VIT: variants seen among roughly 807,000 people sequenced by gnomAD.
VIT encodes vitrin.
VIT carries 99 observed loss-of-function variants against 78.0 expected under a neutral mutation model. That is an observed-to-expected ratio of 1.27 (90% CI 1.08 to 1.50). VIT has a LOEUF of 1.50. Among genes scored for constraint, VIT ranks in the 40% most tolerant of loss-of-function variants. The pLI is 0.00. For synonymous variants in VIT, 374 were observed against 334.3 expected (o/e 1.12, Z -1.29); for missense variants, 1,126 against 875.3 (o/e 1.29, Z -3.61).
intron 3 of VIT, among the ~76,000 whole-genome samples, chr2:36,734,404 C>A (rs1186529353): frequency 6.6e-6 from 1 of 151,792 alleles, no homozygotes; most frequent in African/African-American, 2.4e-5. Context: ...ATTTCCTGAC[C>A]CCTCCTAGGC....
At chr2:36,809,138 AAAC>A (rs1375316480) in intron 15 of VIT, among the ~76,000 whole-genome samples, 153 bp downstream of exon 15, 1 of 152,188 alleles carries the variant, frequency 6.6e-6, no homozygotes, top group Non-Finnish European at 1.5e-5. Flanking sequence ...TTAGGGGTAG[AAAC>A]ACTGCAAGCC....
chr2:36,797,619 G>A (rs1021005809), intron 12 of VIT, among the ~76,000 whole-genome samples: 2 of 152,172 alleles, frequency 1.3e-5, no homozygotes, highest in Admixed American at 6.5e-5. Context: ...AGAGGAAGCT[G>A]TATGGAAGCC....
chr2:36,716,216 TATG>T, intron 1 of VIT, 134 bp from the exon 2 acceptor site: 1 of 605,124 alleles, frequency 1.7e-6, no homozygotes, highest in Non-Finnish European at 2.9e-6. Context: ...ATGTGCTGCT[TATG>T]GAAATCTATA....
In VIT at chr2:36,773,847, G is replaced by C. The variant is rs1470279367; in HGVS notation, c.736G>C (p.Gly246Arg). Residue 246 changes from glycine (G) to arginine (R), a missense_variant and splice_region_variant, in exon 8 of 16, where the codon GGT (glycine) becomes CGT (arginine). Coordinates refer to ENST00000379242, the MANE Select transcript of VIT (RefSeq NM_053276.4). ...SSQNRPRADP[G>R]IQRQDPSGAA... ...CCAAAACAGGCCCAGAGCTGATCCA[G>C]GTAAGACCTTAAACTCCCTTTCCAG... 5 of 1,594,210 alleles carry C rather than the reference G, an allele frequency of 3.1e-6. No individual in the cohort carries two copies. In the African/African-American group the frequency reaches 5.4e-5, roughly 17 times the overall value.
intron 12 of VIT, among the ~76,000 whole-genome samples, chr2:36,800,162 T>C (rs1351472831): frequency 6.6e-5 from 10 of 151,844 alleles, no homozygotes; most frequent in African/African-American, 2.4e-4. Context: ...CTGGCTAAGA[T>C]GGTGAAACCC....
chr2:36,759,732 C>T, intron 6 of VIT: 1 of 916,940 alleles, frequency 1.1e-6, no homozygotes, highest in Non-Finnish European at 1.3e-6. Context: ...ACATTATGAG[C>T]CTGATAGTTC....
At chr2:36,721,543 C>A (rs1441894660) in intron 2 of VIT, among the ~76,000 whole-genome samples, 2 of 152,180 alleles carry the variant, frequency 1.3e-5, no homozygotes, top group Non-Finnish European at 2.9e-5. Flanking sequence ...CACATCTGAC[C>A]TCCACTCTTG....
At chr2:36,728,893 T>C (rs1558520231) in intron 2 of VIT, among the ~76,000 whole-genome samples, 1 of 151,090 alleles carries the variant, frequency 6.6e-6, no homozygotes, top group African/African-American at 2.4e-5. Context: ...TTATAAAATC[T>C]ACGGCTTTGT....
rs187473165 is a variant in VIT, at chr2:36,733,172, G to A, written c.118+3681G>A. ...AGGCCAATCTGCTTAAGCAAAAAGG[G>A]GGATTTGGGCAGGACGTGGGGTAGC... is the stretch of plus-strand genomic sequence containing the variant. On this transcript the variant is annotated intron_variant, in intron 3 of 15. Coordinates refer to ENST00000379242, the MANE Select transcript of VIT (RefSeq NM_053276.4). Among the ~76,000 whole-genome samples the A allele has an allele frequency of 7.9e-4, 120 of 152,288 alleles. 2 individuals carry two copies. Among genetic ancestry groups the A allele is most frequent in the Non-Finnish European group, 6.9e-4 (47 of 68,020 alleles).
At position 36,775,197 on chromosome 2, in the gene VIT, A is replaced by G. The variant is rs1669979703; in HGVS notation, c.802+130A>G. 7.0e-6 allele frequency: 7 copies of G among 999,204 alleles called. No homozygotes were observed. The South Asian group carries it at 1.1e-4, about 16-fold the overall frequency. The allele number at this position is 999,204 out of a possible 1,614,324, so 61.9% of individuals were successfully genotyped here. A position where few individuals can be genotyped will look rare whatever the true frequency, so the allele number is the denominator to read the frequency against. ...CAACTTCAGGTCACCAGAGTTTGGG[A>G]GCATGCTAAGATATTTTAACCTCGA... On this transcript the variant is annotated intron_variant, in intron 9 of 15. Transcript: ENST00000379242.
At chr2:36,725,604 G>A (rs968109180) in intron 2 of VIT, among the ~76,000 whole-genome samples, 2 of 88,856 alleles carry the variant, frequency 2.3e-5, no homozygotes, top group African/African-American at 5.1e-5. Flanking sequence ...TTGAGGGGTG[G>A]GGGGGGGGTG....
At chr2:36,786,003 G>A (rs1375223281) in intron 11 of VIT, among the ~76,000 whole-genome samples, 2 of 152,138 alleles carry the variant, frequency 1.3e-5, no homozygotes, top group African/African-American at 4.8e-5. Context: ...TGAAGAATGG[G>A]AAGACTCCAG....
intron 1 of VIT, among the ~76,000 whole-genome samples, chr2:36,702,170 G>A (rs1164461675): frequency 6.6e-6 from 1 of 152,148 alleles, no homozygotes; most frequent in Non-Finnish European, 1.5e-5. Context: ...CCAGGCAGAG[G>A]GAAAAGCAAA....
intron 9 of VIT, among the ~76,000 whole-genome samples, chr2:36,779,269 C>T (rs999823584): frequency 3.8e-4 from 58 of 152,126 alleles, no homozygotes; most frequent in African/African-American, 1.3e-3. Context: ...TCTGTTCTGC[C>T]ACTCCCTGTG....
Position 36,787,199 on chromosome 2 carries a change from G to A in VIT, c.981G>A (p.Gln327=). 2 of 1,614,246 alleles carry A rather than the reference G, an allele frequency of 1.2e-6. No homozygotes were observed. Among genetic ancestry groups the A allele is most frequent in the Non-Finnish European group, 1.7e-6 (2 of 1,180,044 alleles). Residue 327 remains glutamine (Q), a synonymous_variant, in exon 12 of 16, where the codon CAG becomes CAA. Coordinates refer to ENST00000379242, the MANE Select transcript of VIT (RefSeq NM_053276.4). ...TTGGCAAACGGCGATTCCGAATCCAGAAGCAGCTCCTGGCTGATGTTGCCC... is the reference window on the plus strand; with the variant it reads ...TTGGCAAACGGCGATTCCGAATCCAAAAGCAGCTCCTGGCTGATGTTGCCC... ...TSIGKRRFRI[Q]KQLLADVAQA...
At chr2:36,710,202 G>C (rs1665715866) in intron 1 of VIT, among the ~76,000 whole-genome samples, 1 of 152,170 alleles carries the variant, frequency 6.6e-6, no homozygotes, top group African/African-American at 2.4e-5. Flanking sequence ...TCAATTTCAA[G>C]AGTTTTTTCA....
intron 2 of VIT, 67 bp from the exon 3 acceptor site, chr2:36,729,353 AAGTATG>A (rs1667052883): frequency 7.5e-7 from 1 of 1,336,894 alleles, no homozygotes; most frequent in Non-Finnish European, 1.0e-6. Flanking sequence ...TGATCGAAGC[AAGTATG>A]AGTCAAAAGA....
chr2:36,698,849 C>A (rs551199579), intron 1 of VIT, among the ~76,000 whole-genome samples: 147 of 152,084 alleles, frequency 9.7e-4, no homozygotes, highest in African/African-American at 3.4e-3. Flanking sequence ...GAGGCTGAGG[C>A]AGGAGAATCA....
chr2:36,814,403 C>G lies in VIT; in HGVS notation c.*42C>G. On this transcript the variant is annotated 3_prime_UTR_variant, in exon 16 of 16. Coordinates refer to ENST00000379242, the MANE Select transcript of VIT (RefSeq NM_053276.4). ...GCACCAGCAAGTGCTGCTTTACTAA[C>G]TGACGTGTTGGACCACCCCACCGCT... The G allele has an allele frequency of 6.2e-7, 1 of 1,607,566 alleles. No individual in the cohort carries two copies. The highest frequency in any genetic ancestry group is 8.5e-7 in the Non-Finnish European group (1 of 1,176,444).
Sources: allele counts gnomAD v4.1 joint callset (sites outside exome capture counted in the v4.1 genomes callset), GRCh38; gene constraint gnomAD v4.1.1; transcripts MANE v1.5; gene names NCBI Gene and HGNC (gene_info 2026-07-23, HGNC 2026-07-21).